GLCCI1: variants seen among roughly 807,000 people sequenced by gnomAD.
GLCCI1 encodes glucocorticoid-induced transcript 1 protein.
GLCCI1 carries 24 observed loss-of-function variants against 52.2 expected under a neutral mutation model. The observed-to-expected ratio is 0.46, with a 90% CI of 0.33 to 0.65. GLCCI1 has a LOEUF of 0.65. Ranked by LOEUF, GLCCI1 falls within the 30% of genes least tolerant of loss-of-function variation. GLCCI1 has a pLI of 0.02. For synonymous variants in GLCCI1, 310 were observed against 276.5 expected, an observed-to-expected ratio of 1.12 and a Z score of -1.20; for missense variants, 704 against 701.5, an observed-to-expected ratio of 1.00 and a Z score of -0.04.
chr7:7,972,368 G>T (rs919713558), intron 1 of GLCCI1, among the ~76,000 whole-genome samples: 4 of 151,988 alleles, frequency 2.6e-5, no homozygotes, highest in Admixed American at 1.3e-4. Context: ...TTAAAACTGC[G>T]TTTGAAACTA....
At position 8,012,432 on chromosome 7, in the gene GLCCI1, C is replaced by CTTTTTTTTTTTT. The variant is rs71014746; in HGVS notation, c.609+8392_609+8403dup. On this transcript the variant is annotated intron_variant, in intron 2 of 7. Transcript: ENST00000223145. Reference sequence around the variant, plus strand: ...CCATTCTGTGGGTTGCCTTTTTATTCTTTTTTTTTTTTTTTTTTTTTTTTT... The same window carrying CTTTTTTTTTTTT: ...CCATTCTGTGGGTTGCCTTTTTATTCTTTTTTTTTTTTTTTTTTTTTTTTTTTTTTTTTTTTT... Among the ~76,000 whole-genome samples, 123 of 70,398 alleles carry CTTTTTTTTTTTT rather than the reference C, an allele frequency of 1.7e-3. 23 individuals are homozygous for CTTTTTTTTTTTT. Among genetic ancestry groups the CTTTTTTTTTTTT allele is most frequent in the Admixed American group, 3.9e-3 (18 of 4,604 alleles). 46.2% of individuals were successfully genotyped at this position (70,398 alleles called of 152,430 possible). A position where few individuals can be genotyped will look rare whatever the true frequency, so the allele number is the denominator to read the frequency against.
chr7:8,004,126 A>G, intron 2 of GLCCI1, 67 bp downstream of exon 2: 1 of 1,318,702 alleles, frequency 7.6e-7, no homozygotes, highest in East Asian at 2.4e-5. Context: ...CAGTAAAGAA[A>G]ATGTAATATA....
intron 4 of GLCCI1, among the ~76,000 whole-genome samples, chr7:8,056,465 G>C (rs1782400167): frequency 6.6e-6 from 1 of 152,102 alleles, no homozygotes; most frequent in Non-Finnish European, 1.5e-5. Flanking sequence ...GTGTCTCTAT[G>C]TATCTTATCC....
intron 1 of GLCCI1, among the ~76,000 whole-genome samples, chr7:7,991,413 C>A (rs1172215510): frequency 1.3e-5 from 2 of 151,950 alleles, no homozygotes; most frequent in African/African-American, 4.8e-5. Flanking sequence ...AGATAATTTT[C>A]CAAGGAAGGA....
chr7:8,084,481 A>T (rs1783059439), intron 6 of GLCCI1, among the ~76,000 whole-genome samples: 1 of 152,196 alleles, frequency 6.6e-6, no homozygotes, highest in South Asian at 2.1e-4. Flanking sequence ...AATGAACATT[A>T]TTCATTTTCG....
At chr7:7,989,178 T>C (rs889599738) in intron 1 of GLCCI1, among the ~76,000 whole-genome samples, 41 of 152,310 alleles carry the variant, frequency 2.7e-4, no homozygotes, top group Admixed American at 1.5e-3. Context: ...AGCTATAATT[T>C]TAAATTGTAG....
chr7:7,984,572 G>A (rs37986), intron 1 of GLCCI1, among the ~76,000 whole-genome samples: 93,225 of 152,036 alleles, frequency 0.61, 29,348 homozygotes, highest in African/African-American at 0.77. Flanking sequence ...TTTGCTCTAC[G>A]CAATATCTAA....
intron 3 of GLCCI1, among the ~76,000 whole-genome samples, chr7:8,048,946 G>A (rs924109582): frequency 2.0e-5 from 3 of 152,296 alleles, no homozygotes; most frequent in African/African-American, 2.4e-5. Flanking sequence ...CAGAGGGAAC[G>A]TAAGTAGAAC....
chr7:8,058,533 A>G (rs941333528), intron 4 of GLCCI1, among the ~76,000 whole-genome samples: 4 of 152,198 alleles, frequency 2.6e-5, no homozygotes, highest in Non-Finnish European at 5.9e-5. Context: ...GGATTATCAG[A>G]TAGTAGCTCC....
chr7:7,989,935 G>C (rs148367271), intron 1 of GLCCI1, among the ~76,000 whole-genome samples: 37 of 152,160 alleles, frequency 2.4e-4, no homozygotes, highest in African/African-American at 8.7e-4. Flanking sequence ...AGAAATAAGT[G>C]AGCTACATTA....
intron 1 of GLCCI1, among the ~76,000 whole-genome samples, chr7:7,971,963 CG>C (rs1780362206): frequency 6.6e-6 from 1 of 152,080 alleles, no homozygotes; most frequent in South Asian, 2.1e-4. Context: ...TTTTTGAATG[CG>C]GGCTTCTGTG....
chr7:8,015,721 A>G (rs1781364468), intron 2 of GLCCI1, among the ~76,000 whole-genome samples: 1 of 152,252 alleles, frequency 6.6e-6, no homozygotes, highest in South Asian at 2.1e-4. Flanking sequence ...TAACTAAAAT[A>G]TTTAACATTT....
intron 6 of GLCCI1, among the ~76,000 whole-genome samples, chr7:8,075,409 G>A (rs947123661): frequency 6.6e-6 from 1 of 152,208 alleles, no homozygotes; most frequent in Non-Finnish European, 1.5e-5. Context: ...AGAATTCAGA[G>A]ATCCAGAATG....
intron 1 of GLCCI1, among the ~76,000 whole-genome samples, chr7:8,001,655 T>C (rs1781051447): frequency 6.6e-6 from 1 of 152,208 alleles, no homozygotes; most frequent in African/African-American, 2.4e-5. Flanking sequence ...CATGCACACG[T>C]ATGTTTATTG....
intron 1 of GLCCI1, among the ~76,000 whole-genome samples, chr7:7,994,369 T>C (rs1021395157): frequency 6.6e-6 from 1 of 152,244 alleles, no homozygotes; most frequent in Non-Finnish European, 1.5e-5. Flanking sequence ...ACTTACATAT[T>C]AGAGCAGTCT....
chr7:8,071,268 G>A, intron 6 of GLCCI1, 137 bp downstream of exon 6: 1 of 693,990 alleles, frequency 1.4e-6, no homozygotes, highest in Non-Finnish European at 2.4e-6. Flanking sequence ...AGGTTTCTTT[G>A]TTCATTGGTT....
chr7:8,083,679 G>T (rs1783043061), intron 6 of GLCCI1, among the ~76,000 whole-genome samples: 1 of 152,122 alleles, frequency 6.6e-6, no homozygotes, highest in South Asian at 2.1e-4. Flanking sequence ...GAAACTGTGT[G>T]GTTTTCTAGC....
chr7:7,981,256 T>TTCTG, intron 1 of GLCCI1: 1 of 245,088 alleles, frequency 4.1e-6, no homozygotes, highest in South Asian at 4.4e-5. Context: ...CTTTCTTTCT[T>TTCTG]TCTCTTTTTT....
At chr7:8,059,921 T>G (rs1377022591) in intron 4 of GLCCI1, among the ~76,000 whole-genome samples, 175 bp from the exon 5 acceptor site, 1 of 152,228 alleles carries the variant, frequency 6.6e-6, no homozygotes, top group Non-Finnish European at 1.5e-5. Flanking sequence ...TAATTTTCAT[T>G]TTACTTTCTT....
Sources: allele counts gnomAD v4.1 joint callset (sites outside exome capture counted in the v4.1 genomes callset), GRCh38; gene constraint gnomAD v4.1.1; transcripts MANE v1.5; gene names NCBI Gene and HGNC (gene_info 2026-07-23, HGNC 2026-07-21).